Variants in HERC4 observed in about 807,000 individuals in gnomAD.
HERC4 encodes probable E3 ubiquitin-protein ligase HERC4.
In HERC4, 28 loss-of-function variants were observed where a neutral mutation model predicts 124.3. The ratio of observed to expected loss-of-function variants is 0.23; its 90% confidence interval spans 0.17 to 0.31. HERC4 has a LOEUF of 0.31. Ranked by LOEUF, HERC4 falls within the 10% of genes least tolerant of loss-of-function variation. The probability of loss-of-function intolerance (pLI) is 1.00; values close to 1 mark genes in which losing one functional copy is unlikely to be tolerated. For missense variants in HERC4, 713 were observed against 1,229.3 expected, an observed-to-expected ratio of 0.58 and a Z score of 6.28; for synonymous variants, 407 against 421.5, an observed-to-expected ratio of 0.97 and a Z score of 0.42.
chr10:67,995,032 C>G (rs923258077), intron 9 of HERC4: 1 of 244,412 alleles, frequency 4.1e-6, no homozygotes, highest in African/African-American at 2.3e-5. Flanking sequence ...TTTGAGAAAC[C>G]TAGTCATTTG....
chr10:68,049,590 C>CCAAAAA lies in HERC4; in HGVS notation c.227-5028_227-5027insTTTTTG, dbSNP rs1554827735. 3.3e-3 allele frequency among the ~76,000 whole-genome samples: 142 copies of CCAAAAA among 42,616 alleles called. 7 individuals carry two copies. The highest frequency in any genetic ancestry group is 0.016 in the African/African-American group (136 of 8,528). The allele number at this position is 42,616 out of a possible 152,430, so 28.0% of individuals were successfully genotyped here. On this transcript the variant is annotated intron_variant, in intron 3 of 24. Coordinates refer to ENST00000373700, the MANE Select transcript of HERC4 (RefSeq NM_015601.4). ...TGGGTGACAGAGTGAGACACTGCCA[C>CCAAAAA]AAAAAAAAAAAAAAAAAAAAAAACA...
intron 9 of HERC4, among the ~76,000 whole-genome samples, chr10:68,005,683 T>A (rs541679981): frequency 2.8e-4 from 43 of 152,208 alleles, no homozygotes; most frequent in Admixed American, 5.9e-4. Context: ...CTTTTTTTTT[T>A]TAATTTTCTG....
At chr10:68,051,511 G>GT (rs202092218) in intron 3 of HERC4, among the ~76,000 whole-genome samples, 6,283 of 148,106 alleles carry the variant, frequency 0.042, 446 homozygotes, top group African/African-American at 0.15. Context: ...TGCCCAGCTA[G>GT]TTTTTTTTTG....
At chr10:68,053,342 C>T (rs1056255957) in intron 3 of HERC4, among the ~76,000 whole-genome samples, 8 of 150,552 alleles carry the variant, frequency 5.3e-5, no homozygotes, top group South Asian at 2.1e-4. Context: ...GTCTCTCTGT[C>T]GCCCAGGATG....
intron 19 of HERC4, among the ~76,000 whole-genome samples, chr10:67,949,192 G>C (rs2033614196): frequency 6.6e-6 from 1 of 151,546 alleles, no homozygotes; most frequent in Non-Finnish European, 1.5e-5. Context: ...GCTGAGGCAG[G>C]AGAATCGCTT....
chr10:67,954,923 A>C lies in HERC4; in HGVS notation c.2193+40T>G, dbSNP rs1326830815. ...AGGAAAATTTTAAACATAGCTTCTG[A>C]ATAAAAGTCCCAATTATACCACAGA... is the stretch of plus-strand genomic sequence containing the variant. On this transcript the variant is annotated intron_variant, in intron 18 of 24. Transcript: ENST00000373700. The C allele has an allele frequency of 7.1e-6, 11 of 1,538,888 alleles. 1 individual carries two copies. Among genetic ancestry groups the C allele is most frequent in the Admixed American group, 4.8e-5 (2 of 42,062 alleles).
intron 9 of HERC4, chr10:67,995,279 T>C (rs577581179): frequency 4.4e-6 from 2 of 455,570 alleles, no homozygotes; most frequent in Non-Finnish European, 8.8e-6. Flanking sequence ...GTAGTAGGCA[T>C]TGATGCTCAT....
At chr10:68,063,139 T>C (rs1350424262) in intron 3 of HERC4, among the ~76,000 whole-genome samples, 1 of 152,208 alleles carries the variant, frequency 6.6e-6, no homozygotes, top group Non-Finnish European at 1.5e-5. Flanking sequence ...TTGTTTTCTA[T>C]TCCCTACTAG....
chr10:67,959,354 T>C (rs2034351213), intron 16 of HERC4, among the ~76,000 whole-genome samples: 1 of 152,136 alleles, frequency 6.6e-6, no homozygotes, highest in African/African-American at 2.4e-5. Context: ...CTTGTGATCA[T>C]AAAATGATTG....
chr10:67,978,499 G>C (rs971617673), intron 15 of HERC4, among the ~76,000 whole-genome samples: 1 of 152,230 alleles, frequency 6.6e-6, no homozygotes, highest in East Asian at 1.9e-4. Context: ...CTAGTCCCTG[G>C]CTCCCAGACA....
chr10:68,065,159 CAT>C (rs1315023634), intron 3 of HERC4, among the ~76,000 whole-genome samples: 2 of 151,876 alleles, frequency 1.3e-5, no homozygotes, highest in Admixed American at 6.6e-5. Context: ...TAATCAGAAA[CAT>C]ATATGAATAT....
At chr10:67,968,582 A>G (rs57091641) in intron 15 of HERC4, among the ~76,000 whole-genome samples, 11,056 of 151,868 alleles carry the variant, frequency 0.073, 1,010 homozygotes, top group African/African-American at 0.22. Context: ...TCACCATGTT[A>G]GCCAGGATGG....
intron 23 of HERC4, among the ~76,000 whole-genome samples, chr10:67,931,118 G>A (rs1333384545): frequency 1.3e-5 from 2 of 151,160 alleles, no homozygotes; most frequent in Admixed American, 1.3e-4. Flanking sequence ...CTCGATAGTT[G>A]GGACTATAGG....
intron 8 of HERC4, among the ~76,000 whole-genome samples, chr10:68,025,322 A>G (rs2038844622): frequency 6.6e-6 from 1 of 152,218 alleles, no homozygotes; most frequent in East Asian, 1.9e-4. Context: ...TATTACATAT[A>G]CACTATTAAC....
chr10:67,925,893 C>T, intron 23 of HERC4, among the ~76,000 whole-genome samples: 1 of 152,158 alleles, frequency 6.6e-6, no homozygotes, highest in Admixed American at 6.5e-5. Flanking sequence ...GAATCTCTAT[C>T]CTTAATCATG....
At chr10:67,941,209 A>C in intron 19 of HERC4, 104 bp from the exon 20 acceptor site, 1 of 764,758 alleles carries the variant, frequency 1.3e-6, no homozygotes. Flanking sequence ...ATAGAGAAAA[A>C]AGTAATAAAT....
At chr10:68,029,511 T>C (rs1301827243) in intron 7 of HERC4, among the ~76,000 whole-genome samples, 1 of 151,558 alleles carries the variant, frequency 6.6e-6, no homozygotes, top group Non-Finnish European at 1.5e-5. Context: ...AGAAAAAGAA[T>C]GCAATTTAAG....
chr10:67,947,891 A>G (rs2033501535), intron 19 of HERC4, among the ~76,000 whole-genome samples: 1 of 126,004 alleles, frequency 7.9e-6, no homozygotes, highest in African/African-American at 3.1e-5. Flanking sequence ...GGGTTTCACC[A>G]TGTTGGCCAG....
chr10:68,014,085 C>T lies in HERC4; in HGVS notation c.1010G>A (p.Ser337Asn). 2 of 1,613,638 alleles carry T rather than the reference C, an allele frequency of 1.2e-6. No homozygotes were observed. The highest frequency in any genetic ancestry group is 1.7e-6 in the Non-Finnish European group (2 of 1,179,734). The change falls in exon 9 of 25, where the codon AGC (serine) becomes AAC (asparagine). Residue 337 changes from serine to asparagine, a missense_variant. By Grantham distance (46) the Ser-to-Asn change is conservative. Coordinates refer to ENST00000373700, the MANE Select transcript of HERC4 (RefSeq NM_015601.4). ...CCAATTTCCTTTTACAGTAAAGGGGCTTTTCCTGTTGCTTGTTGAACCGGT... is the reference window on the plus strand; with the variant it reads ...CCAATTTCCTTTTACAGTAAAGGGGTTTTTCCTGTTGCTTGTTGAACCGGT... ...LGTGSTSNRK[S>N]PFTVKGNWYP...
Sources: allele counts gnomAD v4.1 joint callset (sites outside exome capture counted in the v4.1 genomes callset), GRCh38; gene constraint gnomAD v4.1.1; transcripts MANE v1.5; gene names NCBI Gene and HGNC (gene_info 2026-07-23, HGNC 2026-07-21).